Variants in LUC7L3 observed in about 807,000 individuals in gnomAD.
The protein encoded by LUC7L3 is luc7-like protein 3.
LUC7L3 carries 6 observed loss-of-function variants against 66.8 expected under a neutral mutation model. That is an observed-to-expected ratio of 0.09 (90% CI 0.05 to 0.18). The LOEUF is 0.18. Ranked by LOEUF, LUC7L3 falls within the 10% of genes least tolerant of loss-of-function variation. LUC7L3 has a pLI of 1.00. For synonymous variants in LUC7L3, 160 were observed against 174.7 expected (o/e 0.92, Z 0.66); for missense variants, 341 against 531.1 (o/e 0.64, Z 3.52).
At chr17:50,738,025 A>G (rs1318419544) in intron 2 of LUC7L3, 3 of 385,438 alleles carry the variant, frequency 7.8e-6, no homozygotes, top group African/African-American at 4.2e-5. Flanking sequence ...CAGCAGGGGC[A>G]GTAGTAAGTT....
At chr17:50,730,332 C>T (rs1470283858) in intron 1 of LUC7L3, among the ~76,000 whole-genome samples, 3 of 151,612 alleles carry the variant, frequency 2.0e-5, no homozygotes. Flanking sequence ...AGTTCGAGAT[C>T]AACCATGGTA....
intron 7 of LUC7L3, among the ~76,000 whole-genome samples, chr17:50,745,147 G>T (rs961835489): frequency 1.3e-5 from 2 of 151,992 alleles, no homozygotes; most frequent in African/African-American, 2.4e-5. Flanking sequence ...ACACTACCAC[G>T]CCCGGCTGAT....
Position 50,745,884 on chromosome 17 carries a change from C to T in LUC7L3, c.858C>T (p.Asp286=), listed in dbSNP as rs761430434. Residue 286 remains aspartate (D), a synonymous_variant, in exon 8 of 10, where the codon GAC becomes GAT. Transcript: ENST00000505658. ...AAAGAGAAAAAGAAAGGGCTCGTGA[C>T]AGAGAAAGAAGAAAGAGAAGTCGTT... ...EEEREKERAR[D]RERRKRSRSR... is the part of the protein sequence containing the mutation. The T allele has an allele frequency of 1.2e-6, 2 of 1,609,868 alleles. No homozygotes were observed. The highest frequency in any genetic ancestry group is 1.3e-5 in the African/African-American group (1 of 74,714).
chr17:50,724,983 A>G (rs1031443812), intron 1 of LUC7L3, among the ~76,000 whole-genome samples: 1 of 151,932 alleles, frequency 6.6e-6, no homozygotes, highest in African/African-American at 2.4e-5. Context: ...CTGGTCTTGA[A>G]CTTTTGACAA....
rs753153871 is a variant in LUC7L3 at position 50,736,998 on chromosome 17, A to G, written c.138A>G (p.Glu46=). 53 of 1,610,366 alleles carry G rather than the reference A, an allele frequency of 3.3e-5. No homozygotes were observed. Among genetic ancestry groups the G allele is most frequent in the South Asian group, 1.0e-4 (9 of 90,310 alleles). Residue 46 remains glutamate (E), a synonymous_variant, in exon 2 of 10, where the codon GAA becomes GAG. Coordinates refer to ENST00000505658, the MANE Select transcript of LUC7L3 (RefSeq NM_016424.5). ...KYYLCGFCPA[E]LFTNTRSDLG... is the part of the protein sequence containing the mutation. ...ATCTCTGTGGTTTTTGTCCTGCGGA[A>G]TTGTTCACAAATACACGTTCTGATC...
In LUC7L3 at chr17:50,751,928, A is replaced by G; in HGVS notation, c.*1267A>G. On this transcript the variant is annotated 3_prime_UTR_variant, in exon 10 of 10. Transcript: ENST00000505658. The stretch of plus-strand genomic sequence containing the variant: ...GGTGTGGGACAAAATATTCCTAATG[A>G]AAGGAAGTACCAATTAGTTGATTTG... The G allele has an allele frequency of 1.6e-5, 16 of 1,029,694 alleles. No individual in the cohort carries two copies. The highest frequency in any genetic ancestry group is 1.8e-5 in the Non-Finnish European group (15 of 856,224). The allele number at this position is 1,029,694 out of a possible 1,614,324, so 63.8% of individuals were successfully genotyped here. A position where few individuals can be genotyped will look rare whatever the true frequency, so the allele number is the denominator to read the frequency against.
intron 3 of LUC7L3, 141 bp downstream of exon 3, chr17:50,740,486 T>A: frequency 1.4e-6 from 1 of 729,494 alleles, no homozygotes; most frequent in Non-Finnish European, 2.3e-6. Flanking sequence ...GTAAGAAAGT[T>A]CTATAGCTTC....
chr17:50,745,228 G>A (rs1970593267), intron 7 of LUC7L3, among the ~76,000 whole-genome samples: 1 of 151,942 alleles, frequency 6.6e-6, no homozygotes, highest in Admixed American at 6.6e-5. Context: ...CCTGCCTCAG[G>A]TGATCCGTCC....
chr17:50,738,594 C>T (rs966350438), intron 2 of LUC7L3, among the ~76,000 whole-genome samples: 4 of 152,058 alleles, frequency 2.6e-5, no homozygotes, highest in Non-Finnish European at 5.9e-5. Context: ...AAAAACAGCT[C>T]TTAGAAATTA....
At chr17:50,730,103 G>C (rs1011793787) in intron 1 of LUC7L3, among the ~76,000 whole-genome samples, 3 of 151,188 alleles carry the variant, frequency 2.0e-5, no homozygotes, top group African/African-American at 7.3e-5. Flanking sequence ...AGCCTCCTGA[G>C]TAGCTGGGAC....
intron 1 of LUC7L3, among the ~76,000 whole-genome samples, chr17:50,731,650 A>G (rs773857611): frequency 1.3e-5 from 2 of 152,216 alleles, no homozygotes; most frequent in Non-Finnish European, 2.9e-5. Flanking sequence ...CTGATGTACC[A>G]TTAAATGGTA....
chr17:50,724,682 AAGG>A (rs974098687), intron 1 of LUC7L3, among the ~76,000 whole-genome samples: 1 of 151,066 alleles, frequency 6.6e-6, no homozygotes, highest in African/African-American at 2.4e-5. Flanking sequence ...TTCCTCACAA[AAGG>A]AGAAGGTAGC....
At chr17:50,746,851 T>TC in intron 9 of LUC7L3, 149 bp downstream of exon 9, 1 of 591,472 alleles carries the variant, frequency 1.7e-6, no homozygotes. Flanking sequence ...AGGCATTCTT[T>TC]CCCCCTCTCC....
Position 50,751,084 on chromosome 17 carries a change from G to A in LUC7L3, c.*423G>A. 7.0e-7 allele frequency: 1 copy of A among 1,438,200 alleles called. No homozygotes were observed. Among genetic ancestry groups the A allele is most frequent in the Non-Finnish European group, 9.1e-7 (1 of 1,104,912 alleles). 89.1% of individuals were successfully genotyped at this position (1,438,200 alleles called of 1,614,324 possible). A position where few individuals can be genotyped will look rare whatever the true frequency, so the allele number is the denominator to read the frequency against. On this transcript the variant is annotated 3_prime_UTR_variant, in exon 10 of 10. Coordinates refer to ENST00000505658, the MANE Select transcript of LUC7L3 (RefSeq NM_016424.5). The stretch of plus-strand genomic sequence containing the variant: ...TGTTGGTACATTGGCAGAGACATAT[G>A]CTTTAAAAACTTAAATATTTCGGAG...
chr17:50,726,554 G>A lies in LUC7L3; in HGVS notation c.99+6723G>A, dbSNP rs534147849. 5.3e-5 allele frequency among the ~76,000 whole-genome samples: 8 copies of A among 152,306 alleles called. No individual in the cohort carries two copies. In the South Asian group the frequency reaches 1.7e-3, roughly 32 times the overall value. On this transcript the variant is annotated intron_variant, in intron 1 of 9. Transcript: ENST00000505658. ...GTGACATTGGAAGTGCTCCGAAGAA[G>A]CAGAAAAGTCATGACAGTACAAGAA... is the stretch of plus-strand genomic sequence containing the variant.
chr17:50,750,597 C>A lies in LUC7L3; in HGVS notation c.1235C>A (p.Thr412Asn). The A allele has an allele frequency of 1.2e-6, 2 of 1,614,012 alleles. No homozygotes were observed. Among genetic ancestry groups the A allele is most frequent in the Non-Finnish European group, 1.7e-6 (2 of 1,179,962 alleles). The change falls in exon 10 of 10, where the codon ACT (threonine) becomes AAT (asparagine). Residue 412 changes from threonine (T) to asparagine (N), a missense_variant. Thr to Asn is a moderately conservative substitution (Grantham distance 65, BLOSUM62 0). Around this residue, in one of 6 missense-constraint regions of LUC7L3, gnomAD observed 210 missense variants for 238.1 expected, o/e 0.88. Transcript: ENST00000505658. ...AACACTGAATCGAAGGAAAGTGATA[C>A]TAAGAATGAGGTCAATGGGACCAGT... The part of the protein sequence containing the change: ...DTNTESKESD[T>N]KNEVNGTSED...
At chr17:50,736,033 T>C (rs977022001) in intron 1 of LUC7L3, among the ~76,000 whole-genome samples, 16 of 152,188 alleles carry the variant, frequency 1.1e-4, no homozygotes, top group Admixed American at 5.9e-4. Flanking sequence ...CTTTGGAGAC[T>C]GAGGCAGAAC....
chr17:50,720,271 G>A (rs1464567518), intron 1 of LUC7L3, among the ~76,000 whole-genome samples: 1 of 152,228 alleles, frequency 6.6e-6, no homozygotes, highest in Non-Finnish European at 1.5e-5. Flanking sequence ...AGTAATTACA[G>A]CATGACGCTT....
At chr17:50,724,170 C>A (rs542238262) in intron 1 of LUC7L3, 9 of 266,106 alleles carry the variant, frequency 3.4e-5, no homozygotes, top group South Asian at 2.6e-4. Context: ...TGAAGCAATT[C>A]TGTTATTGTC....
Sources: gnomAD v4.1 joint callset for allele counts (sites outside exome capture counted in the v4.1 genomes callset) on GRCh38, gnomAD v4.1.1 for gene constraint, gnomAD v4.1.1 regional missense constraint, MANE v1.5 for transcripts, NCBI Gene and HGNC (gene_info 2026-07-23, HGNC 2026-07-21) for gene names.